TANC1: variants seen among roughly 807,000 people sequenced by gnomAD.
TANC1 encodes the protein protein TANC1.
Under a neutral mutation model 149.7 loss-of-function variants are expected in TANC1, and 77 were observed. The ratio of observed to expected loss-of-function variants is 0.51; its 90% CI spans 0.43 to 0.62. The LOEUF is 0.62. Ranked by LOEUF, TANC1 falls within the 20% of genes least tolerant of loss-of-function variation. TANC1 has a pLI of 0.00. For missense variants in TANC1, 1,985 were observed against 2,321.8 expected (o/e 0.85, Z 2.98); for synonymous variants, 854 against 925.0 (o/e 0.92, Z 1.39).
At chr2:159,053,003 C>CT (rs1276659730) in intron 2 of TANC1, among the ~76,000 whole-genome samples, 1 of 152,194 alleles carries the variant, frequency 6.6e-6, no homozygotes, top group Admixed American at 6.5e-5. Context: ...CAAAAACACT[C>CT]TGAGGGTACA....
intron 2 of TANC1, among the ~76,000 whole-genome samples, chr2:159,026,037 G>T (rs1035319197): frequency 1.3e-5 from 2 of 152,132 alleles, no homozygotes; most frequent in African/African-American, 4.8e-5. Context: ...GGGCTCAAGC[G>T]ATCATCTTGC....
At position 159,170,802 on chromosome 2, in the gene TANC1, A is replaced by G. The variant is rs752122735; in HGVS notation, c.1348A>G (p.Lys450Glu). 2.5e-6 allele frequency: 4 copies of G among 1,613,100 alleles called. No homozygotes were observed. Among genetic ancestry groups the G allele is most frequent in the South Asian group, 1.1e-5 (1 of 91,052 alleles). ...TTCCAACAGCCCGGGTTCATCACCT[A>G]AAAGTACGTGCATGTTTAATTACTT... ...IASNSPGSSPKTSDPTQDLHF... is the reference protein window; with the variant it reads ...IASNSPGSSPETSDPTQDLHF... Residue 450 changes from lysine (K) to glutamate (E), a missense_variant, in exon 10 of 27, where the codon AAA becomes GAA. This residue lies in a region of TANC1 where 557 missense variants were observed against 612.9 expected (regional missense o/e 0.91). Transcript: ENST00000263635.
chr2:159,021,033 A>C (rs1427694349), intron 2 of TANC1, among the ~76,000 whole-genome samples: 1 of 152,146 alleles, frequency 6.6e-6, no homozygotes, highest in Non-Finnish European at 1.5e-5. Flanking sequence ...AGGGTATTCG[A>C]AGTGGTTTGC....
Position 159,043,828 on chromosome 2 carries a change from ACTT to A in TANC1, c.-15-22064_-15-22062del, listed in dbSNP as rs537333180. Among the ~76,000 whole-genome samples the A allele has an allele frequency of 1.1e-4, 17 of 152,260 alleles. No individual in the cohort carries two copies. In the South Asian group the frequency reaches 3.1e-3, roughly 28 times the overall value. ...TTCTACTCCTTATTCCCCGTGAAAA[ACTT>A]CTTAAAGTTTAATGACAAGGCTCCT... On this transcript the variant is annotated intron_variant, in intron 2 of 26. Coordinates refer to ENST00000263635, the MANE Select transcript of TANC1 (RefSeq NM_033394.3).
chr2:159,157,147 C>T (rs1214186617), intron 7 of TANC1, among the ~76,000 whole-genome samples: 1 of 152,192 alleles, frequency 6.6e-6, no homozygotes, highest in Non-Finnish European at 1.5e-5. Context: ...GAAGGAGAAG[C>T]CAGAAGTCTC....
At chr2:158,987,059 C>T (rs1327716066) in intron 1 of TANC1, among the ~76,000 whole-genome samples, 1 of 147,662 alleles carries the variant, frequency 6.8e-6, no homozygotes, top group African/African-American at 2.5e-5. Context: ...AAAAAAAATA[C>T]AAAAATTGGT....
chr2:159,110,701 C>T (rs561164662), intron 4 of TANC1, among the ~76,000 whole-genome samples: 44 of 148,884 alleles, frequency 3.0e-4, no homozygotes, highest in African/African-American at 9.9e-4. Flanking sequence ...AGTGTAGGGT[C>T]GTGGTGGTTG....
chr2:159,128,299 C>T (rs1393787034), intron 4 of TANC1, among the ~76,000 whole-genome samples: 1 of 152,214 alleles, frequency 6.6e-6, no homozygotes. Flanking sequence ...TCTGCTGGGA[C>T]AGCTGGTGCA....
At position 159,171,871 on chromosome 2, in the gene TANC1, A is replaced by AAAAAAAAAG. The variant is rs70994272; in HGVS notation, c.1352-246_1352-245insAAAAGAAAA. 1.3e-3 allele frequency among the ~76,000 whole-genome samples: 134 copies of AAAAAAAAAG among 105,598 alleles called. 3 individuals carry two copies. Among genetic ancestry groups the AAAAAAAAAG allele is most frequent in the Non-Finnish European group, 2.0e-3 (99 of 50,302 alleles). 69.3% of individuals were successfully genotyped at this position (105,598 alleles called of 152,430 possible). ...GACTCCGCCTTAAAAAAAAAAAAAA[A>AAAAAAAAAG]AAAAGAAAAAGAAAAAAAAAATTTA... is the stretch of plus-strand genomic sequence containing the variant. On this transcript the variant is annotated intron_variant, in intron 10 of 26. Coordinates refer to ENST00000263635, the MANE Select transcript of TANC1 (RefSeq NM_033394.3).
At chr2:159,113,932 C>G (rs906925712) in intron 4 of TANC1, among the ~76,000 whole-genome samples, 1 of 152,148 alleles carries the variant, frequency 6.6e-6, no homozygotes, top group Non-Finnish European at 1.5e-5. Flanking sequence ...TCATTGGGAT[C>G]TGAGTTTTTG....
Position 159,163,783 on chromosome 2 carries a change from G to T in TANC1, c.946+237G>T, listed in dbSNP as rs201799370. 2.6e-5 allele frequency among the ~76,000 whole-genome samples: 4 copies of T among 151,944 alleles called. No homozygotes were observed. The East Asian group carries it at 7.7e-4, about 29-fold the overall frequency. ...TTAAATCGATTATTTGGACTGTCAG[G>T]CTCTTTGTATATAAGAGAAGAAAGT... is the stretch of plus-strand genomic sequence containing the variant. On this transcript the variant is annotated intron_variant, in intron 8 of 26. Coordinates refer to ENST00000263635, the MANE Select transcript of TANC1 (RefSeq NM_033394.3).
intron 2 of TANC1, among the ~76,000 whole-genome samples, chr2:159,035,472 T>A (rs2040112906): frequency 6.6e-6 from 1 of 152,240 alleles, no homozygotes; most frequent in Admixed American, 6.5e-5. Context: ...TAAAAGTTCA[T>A]AATTTTTTTG....
chr2:159,148,961 C>T (rs2052461772), intron 5 of TANC1, 181 bp from the exon 6 acceptor site: 1 of 623,144 alleles, frequency 1.6e-6, no homozygotes, highest in East Asian at 2.8e-5. Context: ...GTTTCCTTAA[C>T]CTGTCACAGT....
chr2:159,213,380 C>T (rs2059129511), intron 19 of TANC1, among the ~76,000 whole-genome samples: 1 of 150,324 alleles, frequency 6.7e-6, no homozygotes, highest in African/African-American at 2.5e-5. Flanking sequence ...GATAGGATCA[C>T]ATTGGACCCT....
At chr2:158,988,752 G>C (rs1178089795) in intron 1 of TANC1, among the ~76,000 whole-genome samples, 1 of 152,158 alleles carries the variant, frequency 6.6e-6, no homozygotes, top group Non-Finnish European at 1.5e-5. Flanking sequence ...CCTTAAGAGA[G>C]AGCAGGCATT....
chr2:159,153,861 C>A (rs1486186790), intron 7 of TANC1, among the ~76,000 whole-genome samples: 1 of 152,082 alleles, frequency 6.6e-6, no homozygotes, highest in Non-Finnish European at 1.5e-5. Context: ...AGCTTTTGGG[C>A]ATTGTAAGTG....
intron 3 of TANC1, 30 bp downstream of exon 3, chr2:159,066,001 A>G (rs1038758235): frequency 1.3e-6 from 2 of 1,573,904 alleles, no homozygotes. Flanking sequence ...AAGCTCAGCC[A>G]TGGACAGCGG....
At chr2:158,984,253 A>G (rs1186226884) in intron 1 of TANC1, among the ~76,000 whole-genome samples, 3 of 152,228 alleles carry the variant, frequency 2.0e-5, no homozygotes, top group African/African-American at 7.2e-5. Flanking sequence ...ACATACCAAA[A>G]GTTAAGCCAG....
chr2:159,217,747 G>A (rs574489962), intron 20 of TANC1, 117 bp downstream of exon 20: 236 of 1,336,136 alleles, frequency 1.8e-4, no homozygotes, highest in Non-Finnish European at 2.3e-4. Flanking sequence ...CCCCATCCTC[G>A]GCTTCTGCTG....
Sources: gnomAD v4.1 joint callset for allele counts (sites outside exome capture counted in the v4.1 genomes callset) on GRCh38, gnomAD v4.1.1 for gene constraint, gnomAD v4.1.1 regional missense constraint, MANE v1.5 for transcripts, NCBI Gene and HGNC (gene_info 2026-07-23, HGNC 2026-07-21) for gene names.